CACNA1D: variants seen among roughly 807,000 people sequenced by gnomAD.
The protein encoded by CACNA1D is voltage-dependent L-type calcium channel subunit alpha-1D.
In CACNA1D, 55 loss-of-function variants were observed where a neutral mutation model predicts 257.1. The ratio of observed to expected loss-of-function variants is 0.21; its 90% confidence interval spans 0.17 to 0.27. The LOEUF (loss-of-function observed/expected upper bound fraction) is 0.27, where lower values mean the gene tolerates loss of function less well. CACNA1D is among the 10% of genes least tolerant of loss of function. The pLI is 1.00. For synonymous variants in CACNA1D, 980 were observed against 1,014.9 expected, an observed-to-expected ratio of 0.97 and a Z score of 0.65; for missense variants, 1,876 against 2,784.0, an observed-to-expected ratio of 0.67 and a Z score of 7.34.
intron 14 of CACNA1D, among the ~76,000 whole-genome samples, chr3:53,724,403 C>G (rs772108849): frequency 2.0e-5 from 3 of 152,176 alleles, no homozygotes; most frequent in Non-Finnish European, 4.4e-5. Flanking sequence ...GAAGTGAATT[C>G]TCATGCCTCC....
intron 3 of CACNA1D, among the ~76,000 whole-genome samples, chr3:53,605,964 A>G (rs2093504758): frequency 1.3e-5 from 2 of 152,184 alleles, no homozygotes; most frequent in South Asian, 4.1e-4. Context: ...TTCTCTGAGC[A>G]CAGCTCTGGG....
intron 19 of CACNA1D, 130 bp downstream of exon 19, chr3:53,733,092 C>T: frequency 1.2e-6 from 1 of 856,866 alleles, no homozygotes; most frequent in Non-Finnish European, 1.9e-6. Context: ...GTCCCTGGCG[C>T]CCTCACCCAA....
rs1342417723 is a variant in CACNA1D, at chr3:53,776,656, G to A, written c.4416G>A (p.Arg1472=). 2 of 1,613,990 alleles carry A rather than the reference G, an allele frequency of 1.2e-6. No homozygotes were observed. Among genetic ancestry groups the A allele is most frequent in the African/African-American group, 1.3e-5 (1 of 74,898 alleles). Residue 1472 remains arginine (R), a synonymous_variant, in exon 36 of 48, where the codon CGG becomes CGA. Coordinates refer to ENST00000350061, the MANE Select transcript of CACNA1D (RefSeq NM_001128840.3). ...TGGATAATTTCGACTATCTGACCCG[G>A]GACTGGTCTATTTTGGGGCCTCACC... ...VIMDNFDYLT[R]DWSILGPHHL...
At chr3:53,762,319 A>G (rs535153065) in intron 30 of CACNA1D, among the ~76,000 whole-genome samples, 4 of 152,252 alleles carry the variant, frequency 2.6e-5, no homozygotes, top group African/African-American at 9.6e-5. Context: ...TGCAGCATTT[A>G]CCCTGGTCAC....
intron 30 of CACNA1D, among the ~76,000 whole-genome samples, chr3:53,767,032 T>C (rs2095336326): frequency 1.3e-5 from 2 of 152,130 alleles, no homozygotes; most frequent in Non-Finnish European, 2.9e-5. Flanking sequence ...GGATGGAGTC[T>C]AATCGCTCTC....
intron 8 of CACNA1D, among the ~76,000 whole-genome samples, chr3:53,694,293 G>A (rs990695965): frequency 1.3e-5 from 2 of 152,214 alleles, no homozygotes; most frequent in African/African-American, 4.8e-5. Context: ...CCCTGGAGTG[G>A]TGCTTACTGA....
intron 3 of CACNA1D, among the ~76,000 whole-genome samples, chr3:53,514,393 T>G (rs1575722675): frequency 9.9e-5 from 14 of 141,670 alleles, no homozygotes; most frequent in South Asian, 2.4e-4. Context: ...GCGTGGGGGG[T>G]GGGGGTCTCT....
rs1276176962 is a variant in CACNA1D at position 53,691,691 on chromosome 3, GATATATATTACATATATAATAT to G, written c.1221-10943_1221-10922del. Among the ~76,000 whole-genome samples the G allele has an allele frequency of 6.3e-3, 699 of 111,790 alleles. 18 individuals carry two copies. Among genetic ancestry groups the G allele is most frequent in the African/African-American group, 0.023 (664 of 29,002 alleles). The allele number at this position is 111,790 out of a possible 152,430, so 73.3% of individuals were successfully genotyped here. A position where few individuals can be genotyped will look rare whatever the true frequency, so the allele number is the denominator to read the frequency against. On this transcript the variant is annotated intron_variant, in intron 8 of 47. Transcript: ENST00000350061. ...GTATATATGTAATATATATATTGCAGATATATATTACATATATAATATATATATTACATATATAATATATATA... is the reference window on the plus strand; with the variant it reads ...GTATATATGTAATATATATATTGCAGATATATTACATATATAATATATATA...
chr3:53,604,407 T>G (rs1412383279), intron 3 of CACNA1D, among the ~76,000 whole-genome samples: 1 of 152,124 alleles, frequency 6.6e-6, no homozygotes. Context: ...AAGAACAACC[T>G]GGGGCCATGT....
chr3:53,689,690 GCT>G (rs1218114319), intron 8 of CACNA1D, among the ~76,000 whole-genome samples: 1 of 152,046 alleles, frequency 6.6e-6, no homozygotes, highest in Non-Finnish European at 1.5e-5. Context: ...GACAGGTCTT[GCT>G]CTGTCACCCA....
intron 3 of CACNA1D, among the ~76,000 whole-genome samples, chr3:53,600,498 A>T (rs2093427945): frequency 6.6e-6 from 1 of 152,244 alleles, no homozygotes; most frequent in Admixed American, 6.5e-5. Context: ...ATAGGAACAG[A>T]CAGGGAAACT....
chr3:53,636,067 C>A (rs2093879988), intron 3 of CACNA1D, among the ~76,000 whole-genome samples: 1 of 152,096 alleles, frequency 6.6e-6, no homozygotes, highest in African/African-American at 2.4e-5. Flanking sequence ...CTTTAAATAC[C>A]TTTTAACTTC....
intron 3 of CACNA1D, among the ~76,000 whole-genome samples, chr3:53,640,511 C>T (rs2093938234): frequency 6.6e-6 from 1 of 152,140 alleles, no homozygotes; most frequent in Admixed American, 6.5e-5. Context: ...GTGAAGTACC[C>T]AGCTCTCTGC....
At chr3:53,755,945 G>A (rs763509852) in intron 29 of CACNA1D, among the ~76,000 whole-genome samples, 1 of 152,178 alleles carries the variant, frequency 6.6e-6, no homozygotes, top group Non-Finnish European at 1.5e-5. Flanking sequence ...GCTGCAGAAG[G>A]AGGAATATTC....
At chr3:53,552,468 C>T (rs1001586649) in intron 3 of CACNA1D, among the ~76,000 whole-genome samples, 2 of 152,156 alleles carry the variant, frequency 1.3e-5, no homozygotes, top group Admixed American at 6.5e-5. Context: ...GCAACCTCTG[C>T]CTTCCAGGTT....
intron 8 of CACNA1D, among the ~76,000 whole-genome samples, chr3:53,674,806 G>T: frequency 6.6e-6 from 1 of 152,180 alleles, no homozygotes. Context: ...AGGGGCCCAC[G>T]TCTCCCAGAG....
intron 3 of CACNA1D, among the ~76,000 whole-genome samples, chr3:53,556,843 G>A (rs1322551690): frequency 2.0e-5 from 3 of 151,866 alleles, no homozygotes; most frequent in African/African-American, 2.4e-5. Flanking sequence ...AGCCTCCTGA[G>A]TAGCTGGGGC....
intron 3 of CACNA1D, among the ~76,000 whole-genome samples, chr3:53,517,957 G>A (rs1388400838): frequency 6.6e-6 from 1 of 152,240 alleles, no homozygotes; most frequent in African/African-American, 2.4e-5. Context: ...TTAAGTGTGA[G>A]CTTAATATGT....
chr3:53,719,079 G>T (rs546365851), intron 10 of CACNA1D, among the ~76,000 whole-genome samples: 1 of 152,136 alleles, frequency 6.6e-6, no homozygotes, highest in South Asian at 2.1e-4. Context: ...TGTCTGCCGT[G>T]GGGGAGCCCT....
Sources: gnomAD v4.1 joint callset for allele counts (sites outside exome capture counted in the v4.1 genomes callset) on GRCh38, gnomAD v4.1.1 for gene constraint, MANE v1.5 for transcripts, NCBI Gene and HGNC (gene_info 2026-07-23, HGNC 2026-07-21) for gene names.